PLCL1: variants seen among roughly 807,000 people sequenced by gnomAD.
PLCL1 encodes inactive phospholipase C-like protein 1.
PLCL1 carries 41 observed loss-of-function variants against 84.4 expected under a neutral mutation model. The ratio of observed to expected loss-of-function variants is 0.49; its 90% CI spans 0.38 to 0.63. PLCL1 has a LOEUF of 0.63. Ranked by LOEUF, PLCL1 falls within the 30% of genes least tolerant of loss-of-function variation. PLCL1 has a pLI of 0.00. For synonymous variants in PLCL1, 490 were observed against 488.3 expected, an observed-to-expected ratio of 1.00 and a Z score of -0.05; for missense variants, 1,206 against 1,367.8, an observed-to-expected ratio of 0.88 and a Z score of 1.87.
intron 1 of PLCL1, among the ~76,000 whole-genome samples, chr2:198,030,550 A>G (rs1276093852): frequency 6.6e-6 from 1 of 152,188 alleles, no homozygotes; most frequent in African/African-American, 2.4e-5. Context: ...GTGTGTGTAC[A>G]GAAGCCACAT....
rs1469315416 is a variant in PLCL1 at position 198,146,868 on chromosome 2, G to A, written c.3194G>A (p.Ser1065Asn). 6.2e-7 allele frequency: 1 copy of A among 1,613,568 alleles called. No individual in the cohort carries two copies. Among genetic ancestry groups the A allele is most frequent in the Non-Finnish European group, 8.5e-7 (1 of 1,179,764 alleles). Residue 1065 changes from serine to asparagine, a missense_variant, in exon 6 of 6, where the codon AGT becomes AAT. Physicochemically the swap from Ser to Asn is conservative, Grantham distance 46. Transcript: ENST00000428675. ...IQLACLSCGL[S>N]KAPSSSAEAK... is the part of the protein sequence containing the mutation. ...CTGGCATGCCTGTCCTGTGGACTGAGTAAAGCCCCCAGCAGCAGTGCTGAG... is the reference window on the plus strand; with the variant it reads ...CTGGCATGCCTGTCCTGTGGACTGAATAAAGCCCCCAGCAGCAGTGCTGAG...
chr2:198,111,077 T>G (rs913718784), intron 5 of PLCL1, among the ~76,000 whole-genome samples: 16 of 151,902 alleles, frequency 1.1e-4, no homozygotes, highest in African/African-American at 3.9e-4. Flanking sequence ...TTCCTAGCTC[T>G]GTGTCTTTGG....
chr2:197,897,200 T>C (rs911675780), intron 1 of PLCL1, among the ~76,000 whole-genome samples: 1 of 21,828 alleles, frequency 4.6e-5, no homozygotes, highest in Non-Finnish European at 8.9e-5. Context: ...TCCTTCTCCT[T>C]CTTCTTTCTT....
chr2:198,127,478 TTC>T (rs1453356448), intron 5 of PLCL1, among the ~76,000 whole-genome samples: 2 of 152,208 alleles, frequency 1.3e-5, no homozygotes, highest in African/African-American at 4.8e-5. Context: ...TTACCATTTT[TTC>T]TCTCTTTCAC....
At chr2:198,128,878 C>G (rs938822682) in intron 5 of PLCL1, among the ~76,000 whole-genome samples, 1 of 152,144 alleles carries the variant, frequency 6.6e-6, no homozygotes, top group Non-Finnish European at 1.5e-5. Flanking sequence ...CTTTCACTGT[C>G]TCAGTCATAA....
chr2:197,957,057 G>A (rs1422983528), intron 1 of PLCL1, among the ~76,000 whole-genome samples: 1 of 151,878 alleles, frequency 6.6e-6, no homozygotes, highest in African/African-American at 2.4e-5. Flanking sequence ...ATTTGCTTGT[G>A]CCACCTCTTT....
At chr2:198,145,135 T>C (rs1469041210) in intron 5 of PLCL1, among the ~76,000 whole-genome samples, 2 of 152,202 alleles carry the variant, frequency 1.3e-5, no homozygotes, top group East Asian at 3.9e-4. Flanking sequence ...GTTATTATTA[T>C]TACTGAAGAG....
At chr2:197,888,183 A>C in intron 1 of PLCL1, among the ~76,000 whole-genome samples, 1 of 151,918 alleles carries the variant, frequency 6.6e-6, no homozygotes, top group East Asian at 1.9e-4. Flanking sequence ...ATTAGCAATA[A>C]TTTTTTTTGT....
At chr2:197,910,011 G>A (rs114845320) in intron 1 of PLCL1, among the ~76,000 whole-genome samples, 1,589 of 152,312 alleles carry the variant, frequency 0.01, 21 homozygotes, top group African/African-American at 0.036. Flanking sequence ...TGGTCAAAGT[G>A]TGGCGCTTTG....
chr2:198,141,596 T>G (rs1485871993), intron 5 of PLCL1, among the ~76,000 whole-genome samples: 1 of 152,174 alleles, frequency 6.6e-6, no homozygotes, highest in East Asian at 1.9e-4. Flanking sequence ...AGGATTAAAC[T>G]TCTTAAATGA....
chr2:198,080,674 G>A (rs998067217), intron 1 of PLCL1, among the ~76,000 whole-genome samples: 2 of 152,170 alleles, frequency 1.3e-5, no homozygotes, highest in Non-Finnish European at 2.9e-5. Flanking sequence ...TTGAATGTAC[G>A]TAATCTTGGC....
At chr2:197,865,688 C>T (rs185991383) in intron 1 of PLCL1, among the ~76,000 whole-genome samples, 120 of 152,056 alleles carry the variant, frequency 7.9e-4, no homozygotes, top group African/African-American at 2.4e-3. Context: ...TCAAAGCTCA[C>T]GCGTCAAATG....
intron 1 of PLCL1, among the ~76,000 whole-genome samples, chr2:197,852,684 C>A (rs889008300): frequency 6.6e-6 from 1 of 152,120 alleles, no homozygotes; most frequent in East Asian, 1.9e-4. Flanking sequence ...AAGATGCTGG[C>A]GGGTTGTAGG....
rs3068250 is a variant in PLCL1 at position 198,055,365 on chromosome 2, AAGAGAGAG to A, written c.241-28377_241-28370del. Among the ~76,000 whole-genome samples, 156 of 128,850 alleles carry A rather than the reference AAGAGAGAG, an allele frequency of 1.2e-3. 2 individuals carry two copies. The highest frequency in any genetic ancestry group is 4.3e-3 in the African/African-American group (151 of 35,118). 84.5% of individuals were successfully genotyped at this position (128,850 alleles called of 152,430 possible). A position where few individuals can be genotyped will look rare whatever the true frequency, so the allele number is the denominator to read the frequency against. On this transcript the variant is annotated intron_variant, in intron 1 of 5. Coordinates refer to ENST00000428675, the MANE Select transcript of PLCL1 (RefSeq NM_006226.4). ...TGTGTCTGTGTATGAGAGAGAGAGA[AAGAGAGAG>A]AGAGAGAGAGAGAGAAAGATCTATT...
chr2:198,117,797 A>G (rs16827729), intron 5 of PLCL1, among the ~76,000 whole-genome samples: 3,177 of 152,004 alleles, frequency 0.021, 101 homozygotes, highest in African/African-American at 0.073. Context: ...AAGCTTCTTA[A>G]CAATGTATAT....
intron 1 of PLCL1, among the ~76,000 whole-genome samples, chr2:197,966,647 G>A (rs900496789): frequency 6.6e-6 from 1 of 152,090 alleles, no homozygotes; most frequent in Non-Finnish European, 1.5e-5. Flanking sequence ...GGCAATTCAA[G>A]ACTGCCTTTC....
intron 1 of PLCL1, among the ~76,000 whole-genome samples, chr2:197,937,452 A>G (rs1689074624): frequency 6.6e-6 from 1 of 152,146 alleles, no homozygotes; most frequent in Non-Finnish European, 1.5e-5. Flanking sequence ...AATTTCTCTC[A>G]TTAATCTTTT....
intron 1 of PLCL1, among the ~76,000 whole-genome samples, chr2:198,080,923 C>G (rs1692696439): frequency 6.6e-6 from 1 of 152,112 alleles, no homozygotes; most frequent in Non-Finnish European, 1.5e-5. Context: ...CTTTTGCAGG[C>G]TAGATGTAAA....
Position 197,848,916 on chromosome 2 carries a change from A to G in PLCL1, c.240+43577A>G, listed in dbSNP as rs80019888. ...AAATTCCTTTCTTTAACTAGAGGGA[A>G]TGGACCCTGCAGTCAACCTGTGTAC... is the stretch of plus-strand genomic sequence containing the variant. On this transcript the variant is annotated intron_variant, in intron 1 of 5. Coordinates refer to ENST00000428675, the MANE Select transcript of PLCL1 (RefSeq NM_006226.4). 6.0e-3 allele frequency among the ~76,000 whole-genome samples: 909 copies of G among 152,268 alleles called. 10 individuals carry two copies. Among genetic ancestry groups the G allele is most frequent in the African/African-American group, 0.021 (868 of 41,564 alleles).
Sources: gnomAD v4.1 joint callset for allele counts (sites outside exome capture counted in the v4.1 genomes callset) on GRCh38, gnomAD v4.1.1 for gene constraint, MANE v1.5 for transcripts, NCBI Gene and HGNC (gene_info 2026-07-23, HGNC 2026-07-21) for gene names.